RPH3AL: variants seen among roughly 807,000 people sequenced by gnomAD.
The protein encoded by RPH3AL is rabphilin 3A like (without C2 domains), also known as rab effector Noc2.
In RPH3AL, 38 loss-of-function variants were observed where a neutral mutation model predicts 43.1. The observed-to-expected ratio is 0.88, with a 90% CI of 0.68 to 1.15. The LOEUF (loss-of-function observed/expected upper bound fraction) is 1.15, where lower values mean the gene tolerates loss of function less well. Among genes scored for constraint, RPH3AL ranks in the 50% most tolerant of loss-of-function variants. The probability of loss-of-function intolerance (pLI) is 0.00; values close to 1 mark genes in which losing one functional copy is unlikely to be tolerated. For synonymous variants in RPH3AL, 189 were observed against 176.3 expected (o/e 1.07, Z -0.57); for missense variants, 462 against 423.2 (o/e 1.09, Z -0.81).
In RPH3AL at chr17:283,658, C is replaced by A. The variant is rs2042837118; in HGVS notation, c.352-1804G>T. ...CTTCTTGCTTCCCAAGCTCTCATGACCCCATGAGAGGGAGTGGGAGCATGT... is the reference window on the plus strand; with the variant it reads ...CTTCTTGCTTCCCAAGCTCTCATGAACCCATGAGAGGGAGTGGGAGCATGT... On this transcript the variant is annotated intron_variant, in intron 5 of 9. Coordinates refer to ENST00000331302, the MANE Select transcript of RPH3AL (RefSeq NM_006987.4). This position sits in a 1 kb window ranked among gnomAD's most constrained non-coding sequence, Gnocchi z 4.2. 6.6e-6 allele frequency among the ~76,000 whole-genome samples: 1 copy of A among 152,210 alleles called. No homozygotes were observed.
intron 5 of RPH3AL, among the ~76,000 whole-genome samples, chr17:315,627 C>T (rs2044017553): frequency 2.7e-5 from 4 of 150,576 alleles, no homozygotes; most frequent in African/African-American, 5.0e-5. Flanking sequence ...CCCTGTACTC[C>T]ACCTCCACTG....
intron 4 of RPH3AL, among the ~76,000 whole-genome samples, chr17:320,533 TA>T (rs1275523515): frequency 6.6e-6 from 1 of 151,916 alleles, no homozygotes; most frequent in Non-Finnish European, 1.5e-5. Flanking sequence ...CCTAGCTACT[TA>T]AGGCTGAGGT....
intron 5 of RPH3AL, among the ~76,000 whole-genome samples, chr17:282,554 G>A (rs1567612045): frequency 6.6e-6 from 1 of 152,176 alleles, no homozygotes; most frequent in South Asian, 2.1e-4. Flanking sequence ...CCCACGCCTG[G>A]GAGCTTCATG....
At chr17:242,902 C>A (rs1271403129) in intron 7 of RPH3AL, among the ~76,000 whole-genome samples, 3 of 136,664 alleles carry the variant, frequency 2.2e-5, no homozygotes, top group African/African-American at 8.2e-5. Flanking sequence ...CTATTGACTA[C>A]CTTCCTCTAT....
chr17:260,150 G>A lies in RPH3AL; in HGVS notation c.439-12865C>T, dbSNP rs557830184. On this transcript the variant is annotated intron_variant, in intron 6 of 9. Coordinates refer to ENST00000331302, the MANE Select transcript of RPH3AL (RefSeq NM_006987.4). ...CCCAACCCCACGAGTCACAGCAGGGGACGGTCTGTGGCCTGTGCACCTGCT... is the reference window on the plus strand; with the variant it reads ...CCCAACCCCACGAGTCACAGCAGGGAACGGTCTGTGGCCTGTGCACCTGCT... Among the ~76,000 whole-genome samples, 19 of 152,358 alleles carry A rather than the reference G, an allele frequency of 1.2e-4. No individual in the cohort carries two copies. The South Asian group carries it at 2.1e-3, about 17-fold the overall frequency.
chr17:227,690 G>C (rs2041137577), intron 7 of RPH3AL, among the ~76,000 whole-genome samples: 1 of 152,194 alleles, frequency 6.6e-6, no homozygotes. Context: ...CTGGGCCACA[G>C]AGCATTGCCG....
intron 7 of RPH3AL, among the ~76,000 whole-genome samples, chr17:242,572 C>CCCTTCCTCTATTGAT (rs2041578635): frequency 2.2e-5 from 1 of 45,262 alleles, no homozygotes; most frequent in Non-Finnish European, 4.2e-5. Flanking sequence ...CCTCTATTGA[C>CCCTTCCTCTATTGAT]TACCTTCCTC....
At chr17:227,984 G>C (rs571255665) in intron 7 of RPH3AL, among the ~76,000 whole-genome samples, 1 of 152,174 alleles carries the variant, frequency 6.6e-6, no homozygotes, top group African/African-American at 2.4e-5. Flanking sequence ...CTGCAGAGAC[G>C]CAGGACTGTC....
intron 5 of RPH3AL, among the ~76,000 whole-genome samples, chr17:293,849 C>T (rs535115907): frequency 6.3e-4 from 96 of 151,950 alleles, no homozygotes; most frequent in African/African-American, 1.4e-3. Context: ...GCCAACAAGG[C>T]GAAACCCCGT....
chr17:297,597 C>T (rs1431525216), intron 5 of RPH3AL, among the ~76,000 whole-genome samples: 3 of 152,212 alleles, frequency 2.0e-5, no homozygotes, highest in East Asian at 1.9e-4. Flanking sequence ...CCAGAGGTCC[C>T]AGGAGTGTGC....
At position 213,793 on chromosome 17, in the gene RPH3AL, G is replaced by A; in HGVS notation, c.*59C>T. 11 of 1,402,834 alleles carry A rather than the reference G, an allele frequency of 7.8e-6. No individual in the cohort carries two copies. The highest frequency in any genetic ancestry group is 8.0e-6 in the Non-Finnish European group (8 of 997,040). 86.9% of individuals were successfully genotyped at this position (1,402,834 alleles called of 1,614,324 possible). The stretch of plus-strand genomic sequence containing the variant: ...GGGCACAAGGACCGGTCAGGGAGGA[G>A]CCGGGCAGGGTCTGGCAGGAATCCT... On this transcript the variant is annotated 3_prime_UTR_variant, in exon 10 of 10. Coordinates refer to ENST00000331302, the MANE Select transcript of RPH3AL (RefSeq NM_006987.4).
In RPH3AL at chr17:289,648, C is replaced by G. The variant is rs1185150691; in HGVS notation, c.352-7794G>C. ...GGGGTGACCACCGCCTCACTTCATA[C>G]GGCATTCGGGCCGGCCCTGCCTCCT... is the stretch of plus-strand genomic sequence containing the variant. On this transcript the variant is annotated intron_variant, in intron 5 of 9. Transcript: ENST00000331302. The surrounding 1 kb of genome is among the most constrained non-coding windows in gnomAD (Gnocchi z 5.2). 6.6e-6 allele frequency among the ~76,000 whole-genome samples: 1 copy of G among 152,218 alleles called. No individual in the cohort carries two copies. The highest frequency in any genetic ancestry group is 1.5e-5 in the Non-Finnish European group (1 of 68,042).
rs1401316559 is a variant in RPH3AL at position 307,323 on chromosome 17, TCCTCCCCAC to T, written c.351+12088_351+12096del. ...CACGGCAGGTCCTCCCCACGGCAGG[TCCTCCCCAC>T]GGCAGGTCCTCCCCGCGGCAGGTCC... On this transcript the variant is annotated intron_variant, in intron 5 of 9. Transcript: ENST00000331302. Among the ~76,000 whole-genome samples the T allele has an allele frequency of 1.5e-4, 16 of 108,108 alleles. No homozygotes were observed. In the East Asian group the frequency reaches 1.6e-3, roughly 11 times the overall value. The allele number at this position is 108,108 out of a possible 152,430, so 70.9% of individuals were successfully genotyped here. A position where few individuals can be genotyped will look rare whatever the true frequency, so the allele number is the denominator to read the frequency against.
chr17:230,802 C>T (rs1057332304), intron 7 of RPH3AL, among the ~76,000 whole-genome samples: 13 of 152,196 alleles, frequency 8.5e-5, no homozygotes, highest in Admixed American at 3.3e-4. Context: ...CTGGGGCCTT[C>T]ACTGTTCTTC....
intron 6 of RPH3AL, among the ~76,000 whole-genome samples, chr17:270,454 C>T (rs750725767): frequency 1.1e-4 from 17 of 152,198 alleles, no homozygotes; most frequent in Non-Finnish European, 2.2e-4. Context: ...TGATCCTGAC[C>T]TTCCGTAGGC....
intron 1 of RPH3AL, among the ~76,000 whole-genome samples, chr17:337,258 C>A (rs1158241900): frequency 6.6e-6 from 1 of 151,942 alleles, no homozygotes; most frequent in African/African-American, 2.4e-5. Context: ...GAACTACACG[C>A]CTGGCTAATT....
At chr17:315,185 A>T (rs1270478190) in intron 5 of RPH3AL, among the ~76,000 whole-genome samples, 2,681 of 26,666 alleles carry the variant, frequency 0.1, 110 homozygotes, top group Non-Finnish European at 0.12. Flanking sequence ...ATTCACCTGT[A>T]GTCCCTGTGC....
chr17:247,794 C>G (rs1168089334), intron 6 of RPH3AL: 1 of 153,568 alleles, frequency 6.5e-6, no homozygotes, highest in African/African-American at 2.4e-5. Context: ...CTAGTCAGAC[C>G]TCTGCCCATC....
chr17:285,912 C>T (rs751382662), intron 5 of RPH3AL, among the ~76,000 whole-genome samples: 3 of 152,206 alleles, frequency 2.0e-5, no homozygotes, highest in Non-Finnish European at 4.4e-5. Flanking sequence ...CACTAATCCA[C>T]GTTACCATCA....
Sources: gnomAD v4.1 joint callset for allele counts (sites outside exome capture counted in the v4.1 genomes callset) on GRCh38, gnomAD v4.1.1 for gene constraint, Gnocchi (gnomAD v3.1) non-coding constraint, MANE v1.5 for transcripts, NCBI Gene and HGNC (gene_info 2026-07-23, HGNC 2026-07-21) for gene names.